Variants in PPP1R12B observed in about 807,000 individuals in gnomAD.
PPP1R12B encodes the protein protein phosphatase 1 regulatory subunit 12B, also known as myosin phosphatase target subunit 2.
In PPP1R12B, 76 loss-of-function variants were observed where a neutral mutation model predicts 126.1. The observed-to-expected ratio is 0.60, with a 90% confidence interval of 0.50 to 0.73. The LOEUF is 0.73. Among genes scored for constraint, PPP1R12B ranks in the 30% least tolerant of loss-of-function variants. The probability of loss-of-function intolerance (pLI) is 0.00; values close to 1 mark genes in which losing one functional copy is unlikely to be tolerated. For missense variants in PPP1R12B, 1,052 were observed against 1,205.1 expected (o/e 0.87, Z 1.88); for synonymous variants, 356 against 434.7 (o/e 0.82, Z 2.25).
intron 18 of PPP1R12B, among the ~76,000 whole-genome samples, chr1:202,550,501 A>C (rs183574644): frequency 6.6e-6 from 1 of 152,336 alleles, no homozygotes; most frequent in East Asian, 1.9e-4. Flanking sequence ...GATATACTCT[A>C]TGCTGTATTC....
At chr1:202,449,723 G>T (rs1672700270) in intron 13 of PPP1R12B, among the ~76,000 whole-genome samples, 1 of 151,864 alleles carries the variant, frequency 6.6e-6, no homozygotes, top group South Asian at 2.1e-4. Flanking sequence ...GTCTTGCTCT[G>T]TCGCCCAGGC....
intron 13 of PPP1R12B, among the ~76,000 whole-genome samples, chr1:202,454,402 G>A (rs1325637222): frequency 6.6e-6 from 1 of 152,180 alleles, no homozygotes; most frequent in Non-Finnish European, 1.5e-5. Flanking sequence ...CTCATTCACT[G>A]GATATGTTCT....
At chr1:202,412,316 A>G (rs915308833) in intron 1 of PPP1R12B, among the ~76,000 whole-genome samples, 14 of 152,350 alleles carry the variant, frequency 9.2e-5, no homozygotes, top group African/African-American at 2.9e-4. Flanking sequence ...TTTGGGATTT[A>G]TAAGACACAA....
intron 1 of PPP1R12B, among the ~76,000 whole-genome samples, chr1:202,352,282 A>G (rs1274717092): frequency 1.3e-5 from 2 of 152,140 alleles, no homozygotes; most frequent in African/African-American, 2.4e-5. Context: ...ATTAAGTTTG[A>G]CTGTTAGCAC....
intron 18 of PPP1R12B, among the ~76,000 whole-genome samples, chr1:202,546,920 G>A (rs535909343): frequency 6.6e-5 from 10 of 152,234 alleles, no homozygotes; most frequent in Admixed American, 1.3e-4. Flanking sequence ...TTCTAATGGC[G>A]CTTTCCTATT....
At chr1:202,406,399 C>T (rs1209558047) in intron 1 of PPP1R12B, among the ~76,000 whole-genome samples, 1 of 152,232 alleles carries the variant, frequency 6.6e-6, no homozygotes, top group African/African-American at 2.4e-5. Context: ...CAATTGGCCA[C>T]ATTCCTTATA....
At chr1:202,443,661 G>A (rs2148701327) in intron 12 of PPP1R12B, among the ~76,000 whole-genome samples, 1 of 152,332 alleles carries the variant, frequency 6.6e-6, no homozygotes, top group South Asian at 2.1e-4. Context: ...TCACCTATTT[G>A]TCTTAATGGC....
Position 202,393,711 on chromosome 1 carries a change from T to G in PPP1R12B, c.292-23076T>G, listed in dbSNP as rs1558170462. Among the ~76,000 whole-genome samples the G allele has an allele frequency of 1.3e-5, 2 of 152,156 alleles. 1 individual carries two copies. The highest frequency in any genetic ancestry group is 4.8e-5 in the African/African-American group (2 of 41,438). On this transcript the variant is annotated intron_variant, in intron 1 of 23. Coordinates refer to ENST00000608999, the MANE Select transcript of PPP1R12B (RefSeq NM_002481.4). ...AAGGAAAAACCTAAATTTATATAAA[T>G]GGGGGAATGGTTAGATATTCACAGT...
chr1:202,541,817 C>T (rs938560760), intron 18 of PPP1R12B, among the ~76,000 whole-genome samples: 2 of 152,148 alleles, frequency 1.3e-5, no homozygotes, highest in Non-Finnish European at 2.9e-5. Flanking sequence ...CATCCAACCT[C>T]CCTACCCTCG....
rs1176304152 is a variant in PPP1R12B, at chr1:202,586,872, A to G, written c.*6312A>G. ...CCTAAAAAGGTTTAGCAATTTGGGG[A>G]TAACTCTTGGATCTAGCTTATGTGC... On this transcript the variant is annotated 3_prime_UTR_variant, in exon 24 of 24. Coordinates refer to ENST00000608999, the MANE Select transcript of PPP1R12B (RefSeq NM_002481.4). The G allele has an allele frequency of 2.0e-5, 3 of 152,258 alleles. No homozygotes were observed. The highest frequency in any genetic ancestry group is 6.5e-5 in the Admixed American group (1 of 15,284). 9.4% of individuals were successfully genotyped at this position (152,258 alleles called of 1,614,324 possible).
At position 202,439,045 on chromosome 1, in the gene PPP1R12B, C is replaced by T. The variant is rs192289891; in HGVS notation, c.1458+1021C>T. On this transcript the variant is annotated intron_variant, in intron 10 of 23. Coordinates refer to ENST00000608999, the MANE Select transcript of PPP1R12B (RefSeq NM_002481.4). ...CCCACTACCAGTGGGCGGACTTCAT[C>T]CTGGCCGCCAACTCCTATGACCTTG... The T allele has an allele frequency of 3.4e-4, 471 of 1,381,720 alleles. 3 individuals carry two copies. The African/African-American group carries it at 6.3e-3, about 19-fold the overall frequency. 85.6% of individuals were successfully genotyped at this position (1,381,720 alleles called of 1,614,324 possible). A position where few individuals can be genotyped will look rare whatever the true frequency, so the allele number is the denominator to read the frequency against.
At chr1:202,354,665 T>C (rs945311327) in intron 1 of PPP1R12B, among the ~76,000 whole-genome samples, 1 of 151,916 alleles carries the variant, frequency 6.6e-6, no homozygotes, top group East Asian at 1.9e-4. Context: ...TTTTTTTTTT[T>C]TGAGACAGAG....
chr1:202,466,800 C>G (rs1396926191), intron 13 of PPP1R12B, among the ~76,000 whole-genome samples: 4 of 152,110 alleles, frequency 2.6e-5, no homozygotes, highest in Non-Finnish European at 5.9e-5. Flanking sequence ...AGGGAATAAG[C>G]CAACAGGTAA....
At chr1:202,485,268 G>C (rs112668360) in intron 13 of PPP1R12B, among the ~76,000 whole-genome samples, 63 of 152,262 alleles carry the variant, frequency 4.1e-4, no homozygotes, top group Non-Finnish European at 7.4e-4. Context: ...AGTGCTACAG[G>C]TGCCTGTGTG....
At chr1:202,385,510 A>G (rs1156544973) in intron 1 of PPP1R12B, among the ~76,000 whole-genome samples, 1 of 152,218 alleles carries the variant, frequency 6.6e-6, no homozygotes, top group East Asian at 1.9e-4. Context: ...AAAAACATTC[A>G]TTTTAGTTGT....
chr1:202,488,579 A>G lies in PPP1R12B; in HGVS notation c.1897A>G (p.Lys633Glu). The change falls in exon 14 of 24, where the codon AAA (lysine) becomes GAA (glutamate). Residue 633 changes from lysine (K) to glutamate (E), a missense_variant. Transcript: ENST00000608999. ...VRDEEAESLRKARSRQARQTR... is the reference protein window; with the variant it reads ...VRDEEAESLREARSRQARQTR... ...GGATGAGGAAGCAGAGTCTTTACGG[A>G]AAGCACGCTCCAGACAAGCTCGGCA... is the stretch of plus-strand genomic sequence containing the variant. 1.2e-6 allele frequency: 2 copies of G among 1,613,036 alleles called. No individual in the cohort carries two copies. Among genetic ancestry groups the G allele is most frequent in the Non-Finnish European group, 1.7e-6 (2 of 1,179,516 alleles).
intron 18 of PPP1R12B, among the ~76,000 whole-genome samples, chr1:202,501,557 T>G (rs1377950906): frequency 6.6e-6 from 1 of 152,204 alleles, no homozygotes; most frequent in Non-Finnish European, 1.5e-5. Flanking sequence ...ACAAATTGCC[T>G]TTGTTTTTAA....
intron 13 of PPP1R12B, among the ~76,000 whole-genome samples, chr1:202,480,114 A>G (rs1442704547): frequency 6.6e-6 from 1 of 152,252 alleles, no homozygotes; most frequent in African/African-American, 2.4e-5. Flanking sequence ...GGACTTTAAA[A>G]TAATTGTGAT....
At chr1:202,445,331 G>C in intron 12 of PPP1R12B, 1 of 987,096 alleles carries the variant, frequency 1.0e-6, no homozygotes, top group Non-Finnish European at 1.3e-6. Flanking sequence ...ATAAAAACAA[G>C]TTAGAACTCC....
Sources: gnomAD v4.1 joint callset for allele counts (sites outside exome capture counted in the v4.1 genomes callset) on GRCh38, gnomAD v4.1.1 for gene constraint, MANE v1.5 for transcripts, NCBI Gene and HGNC (gene_info 2026-07-23, HGNC 2026-07-21) for gene names.